Variants in TCHH observed in about 807,000 individuals in gnomAD.
The protein encoded by TCHH is trichohyalin.
TCHH carries 6 observed loss-of-function variants against 6.3 expected under a neutral mutation model. That is an observed-to-expected ratio of 0.95 (90% confidence interval 0.52 to 1.88). The LOEUF (loss-of-function observed/expected upper bound fraction) is 1.88. TCHH is among the 40% of genes most tolerant of loss of function. The pLI, the probability that TCHH is intolerant of heterozygous loss-of-function variation, is 0.01. For synonymous variants in TCHH, 1,087 were observed against 963.6 expected (o/e 1.13, Z -2.37); for missense variants, 2,920 against 2,449.1 (o/e 1.19, Z -4.06).
In TCHH at chr1:152,108,011, C is replaced by T; in HGVS notation, c.5206G>A (p.Glu1736Lys). 1.9e-6 allele frequency: 3 copies of T among 1,613,874 alleles called. No individual in the cohort carries two copies. Among genetic ancestry groups the T allele is most frequent in the East Asian group, 2.2e-5 (1 of 44,846 alleles). ...REEEQLRQETEQEQLRRQERY... is the reference protein window; with the variant it reads ...REEEQLRQETKQEQLRRQERY... ...TCTTGGCGGCGCAGCTGCTCTTGCT[C>T]CGTTTCTTGGCGCAGCTGTTCCTCC... The change falls in exon 3 of 3, where the codon GAG (glutamate) becomes AAG (lysine). Residue 1736 changes from glutamate (E) to lysine (K), a missense_variant. Glu to Lys is a moderately conservative substitution (Grantham distance 56). Transcript: ENST00000614923.
In TCHH at chr1:152,113,071, T is replaced by C. The variant is rs1658431636; in HGVS notation, c.146A>G (p.His49Arg). The change falls in exon 3 of 3, where the codon CAT becomes CGT. Residue 49 changes from histidine to arginine, a missense_variant. Physicochemically the swap from His to Arg is conservative, Grantham distance 29. Coordinates refer to ENST00000614923, the MANE Select transcript of TCHH (RefSeq NM_007113.4). Reference protein sequence around the residue: ...REFGAVLRRPHDPKTVDLILE... With the variant: ...REFGAVLRRPRDPKTVDLILE... ...GATCAGATCTACCGTCTTAGGGTCA[T>C]GTGGTCTCTATAAAAATGGTGAAAA... The C allele has an allele frequency of 4.4e-6, 7 of 1,595,004 alleles. No individual in the cohort carries two copies. The South Asian group carries it at 5.6e-5, about 13-fold the overall frequency.
At chr1:152,113,792 T>A in intron 2 of TCHH, 151 bp downstream of exon 2, 1 of 882,190 alleles carries the variant, frequency 1.1e-6, no homozygotes, top group Non-Finnish European at 1.7e-6. Flanking sequence ...GTCAAGTAAG[T>A]ACCTTTTGAC....
rs1658422001 is a variant in TCHH, at chr1:152,112,749, C to T, written c.468G>A (p.Glu156=). Residue 156 remains glutamate (E), a synonymous_variant, in exon 3 of 3, where the codon GAG becomes GAA. Transcript: ENST00000614923. ...RELAEGEEQS[E]KQERLEQRDR... ...CGCGCTGTTCAAGTCGCTCTTGTTT[C>T]TCACTTTGCTCCTCTCCCTCAGCTA... is the stretch of plus-strand genomic sequence containing the variant. The T allele has an allele frequency of 1.2e-6, 2 of 1,614,064 alleles. No homozygotes were observed. The highest frequency in any genetic ancestry group is 1.3e-5 in the African/African-American group (1 of 75,018).
rs1376247780 is a variant in TCHH at position 152,109,267 on chromosome 1, TC to T, written c.3949del (p.Glu1317LysfsTer5). ...TCTTTCCTCTCTCAGCAACTGCTTT[TC>T]CTCTTGGGACTTCCTGTCGCGCCTT... ...AKRRDRKSQE[E>X]KQLLREEREE... On this transcript the variant is annotated frameshift_variant, in exon 3 of 3. Transcript: ENST00000614923. LOFTEE classifies it low-confidence loss of function (END_TRUNC). The T allele has an allele frequency of 6.2e-7, 1 of 1,614,258 alleles. No homozygotes were observed. The highest frequency in any genetic ancestry group is 1.1e-5 in the South Asian group (1 of 91,086).
Position 152,112,976 on chromosome 1 carries a change from C to T in TCHH, c.241G>A (p.Val81Met). The change falls in exon 3 of 3, where the codon GTG becomes ATG. Residue 81 changes from valine (V) to methionine (M), a missense_variant. By Grantham distance (21) the Val-to-Met change is conservative. Transcript: ENST00000614923. ...AGAGCATAGTAACAAGCTTGAGCCACTTTGAAAATAAATAGGAGGAATTCG... is the reference window on the plus strand; with the variant it reads ...AGAGCATAGTAACAAGCTTGAGCCATTTTGAAAATAAATAGGAGGAATTCG... ...FNEFLLFIFK[V>M]AQACYYALGQ... 6.2e-7 allele frequency: 1 copy of T among 1,614,068 alleles called. No homozygotes were observed. Among genetic ancestry groups the T allele is most frequent in the South Asian group, 1.1e-5 (1 of 91,072 alleles).
chr1:152,109,229 GTCTCT>G lies in TCHH; in HGVS notation c.3983_3987del (p.Lys1328ThrfsTer30), dbSNP rs752472499. 59 of 1,614,222 alleles carry G rather than the reference GTCTCT, an allele frequency of 3.7e-5. No homozygotes were observed. The highest frequency in any genetic ancestry group is 8.3e-5 in the Admixed American group (5 of 60,024). Reference sequence around the variant, plus strand: ...AATTTTCTGTCTGTCTCTTGACGGCGTCTCTTCTCTTCTCTTTCCTCTCTCAGCAA... The same window carrying G: ...AATTTTCTGTCTGTCTCTTGACGGCGTCTCTTCTCTTTCCTCTCTCAGCAA... On this transcript the variant is annotated frameshift_variant, in exon 3 of 3. Transcript: ENST00000614923. LOFTEE classifies it low-confidence loss of function (END_TRUNC).
chr1:152,110,887 C>T lies in TCHH; in HGVS notation c.2330G>A (p.Ser777Asn). 6.2e-7 allele frequency: 1 copy of T among 1,611,516 alleles called. No homozygotes were observed. Among genetic ancestry groups the T allele is most frequent in the Non-Finnish European group, 8.5e-7 (1 of 1,179,900 alleles). ...CGACAGCCTCTGACGGCCCCTCTCG[C>T]TCTTTTCCTCCGCCTGCCACTGCCA... ...FTWQWQAEEKSERGRQRLSAR... is the reference protein window; with the variant it reads ...FTWQWQAEEKNERGRQRLSAR... Residue 777 changes from serine (S) to asparagine (N), a missense_variant, in exon 3 of 3, where the codon AGC (serine) becomes AAC (asparagine). Physicochemically the swap from Ser to Asn is conservative, Grantham distance 46 (BLOSUM62 1). Coordinates refer to ENST00000614923, the MANE Select transcript of TCHH (RefSeq NM_007113.4).
chr1:152,111,488 G>C lies in TCHH; in HGVS notation c.1729C>G (p.Gln577Glu). 1.2e-6 allele frequency: 2 copies of C among 1,601,556 alleles called. No homozygotes were observed. The highest frequency in any genetic ancestry group is 2.2e-5 in the South Asian group (2 of 90,480). Residue 577 changes from glutamine to glutamate, a missense_variant, in exon 3 of 3, where the codon CAG (glutamine) becomes GAG (glutamate). By Grantham distance (29) the Gln-to-Glu change is conservative. Transcript: ENST00000614923. ...CTCTCCTCCTCGCGCTTCAGCAGCT[G>C]ATCGCGCCTCTCCTCCTGCTCGCGC... ...LKREQEERRD[Q>E]LLKREEERRQ...
Position 152,110,692 on chromosome 1 carries a change from C to T in TCHH, c.2525G>A (p.Arg842Gln), listed in dbSNP as rs1250876730. The T allele has an allele frequency of 6.2e-7, 1 of 1,612,624 alleles. No individual in the cohort carries two copies. The highest frequency in any genetic ancestry group is 1.7e-5 in the Admixed American group (1 of 60,008). ...QFLEEEEQLQ[R>Q]RERAQQLQEE... ...CTGGAGCTGTTGGGCACGCTCCCGCCGCTGGAGCTGCTCCTCTTCCTCCAG... is the reference window on the plus strand; with the variant it reads ...CTGGAGCTGTTGGGCACGCTCCCGCTGCTGGAGCTGCTCCTCTTCCTCCAG... The change falls in exon 3 of 3, where the codon CGG (arginine) becomes CAG (glutamine). Residue 842 changes from arginine (R) to glutamine (Q), a missense_variant. By Grantham distance (43) the Arg-to-Gln change is conservative (BLOSUM62 1). Coordinates refer to ENST00000614923, the MANE Select transcript of TCHH (RefSeq NM_007113.4).
chr1:152,108,983 G>C lies in TCHH; in HGVS notation c.4234C>G (p.Arg1412Gly). ...TCCTCCTCGCGGAATTTTCTGTCGC[G>C]GTCCTGACGCAGCTGTTGCTCGCGC... Reference protein sequence around the residue: ...QEREQQLRQDRDRKFREEEQQ... With the variant: ...QEREQQLRQDGDRKFREEEQQ... Residue 1412 changes from arginine (R) to glycine (G), a missense_variant, in exon 3 of 3, where the codon CGC (arginine) becomes GGC (glycine). Arg to Gly is a moderately radical substitution (Grantham distance 125). Transcript: ENST00000614923. 6.2e-7 allele frequency: 1 copy of C among 1,607,960 alleles called. No individual in the cohort carries two copies. Among genetic ancestry groups the C allele is most frequent in the Middle Eastern group, 1.7e-4 (1 of 6,024 alleles).
In TCHH at chr1:152,114,116, A is replaced by C. The variant is rs146305171; in HGVS notation, c.-31-5T>G. On this transcript the variant is annotated splice_region_variant and splice_polypyrimidine_tract_variant and intron_variant, in intron 1 of 2. Transcript: ENST00000614923. ...TTCCTTCAAGTTCAAGTAAACCTAG[A>C]ACAATAAAATAAGATCCAGAATCAA... 227 of 1,573,948 alleles carry C rather than the reference A, an allele frequency of 1.4e-4. 1 individual carries two copies. The African/African-American group carries it at 2.4e-3, about 17-fold the overall frequency.
chr1:152,111,378 C>T lies in TCHH; in HGVS notation c.1839G>A (p.Glu613=), dbSNP rs1455776335. The stretch of plus-strand genomic sequence containing the variant: ...GCTTCAGCCGCTGCTCGCGCCTCTC[C>T]TCCTGCTCGAGTCTCTCCACCTCCT... ...KREEVERLEQ[E]ERREQRLKRE... Residue 613 remains glutamate, a synonymous_variant, in exon 3 of 3, where the codon GAG becomes GAA. Transcript: ENST00000614923. 6 of 1,611,656 alleles carry T rather than the reference C, an allele frequency of 3.7e-6. No individual in the cohort carries two copies. The highest frequency in any genetic ancestry group is 3.3e-5 in the South Asian group (3 of 90,936).
chr1:152,111,483 C>A lies in TCHH; in HGVS notation c.1734G>T (p.Leu578=). The part of the protein sequence containing the change: ...KREQEERRDQ[L]LKREEERRQQ... ...GGCGCCTCTCCTCCTCGCGCTTCAG[C>A]AGCTGATCGCGCCTCTCCTCCTGCT... Residue 578 remains leucine (L), a synonymous_variant, in exon 3 of 3, where the codon CTG becomes CTT. Coordinates refer to ENST00000614923, the MANE Select transcript of TCHH (RefSeq NM_007113.4). The A allele has an allele frequency of 6.2e-7, 1 of 1,610,454 alleles. No homozygotes were observed. Among genetic ancestry groups the A allele is most frequent in the Non-Finnish European group, 8.5e-7 (1 of 1,178,644 alleles).
chr1:152,112,747 T>G lies in TCHH; in HGVS notation c.470A>C (p.Lys157Thr). The G allele has an allele frequency of 6.2e-7, 1 of 1,614,112 alleles. No homozygotes were observed. Among genetic ancestry groups the G allele is most frequent in the South Asian group, 1.1e-5 (1 of 91,078 alleles). The change falls in exon 3 of 3, where the codon AAA (lysine) becomes ACA (threonine). Residue 157 changes from lysine (K) to threonine (T), a missense_variant. Lys to Thr is a moderately conservative substitution (Grantham distance 78). Transcript: ENST00000614923. The part of the protein sequence containing the change: ...ELAEGEEQSE[K>T]QERLEQRDRQ... ...GTCGCGCTGTTCAAGTCGCTCTTGT[T>G]TCTCACTTTGCTCCTCTCCCTCAGC...
chr1:152,111,389 G>A lies in TCHH; in HGVS notation c.1828C>T (p.Leu610Phe). 6.3e-7 allele frequency: 1 copy of A among 1,599,652 alleles called. No homozygotes were observed. Among genetic ancestry groups the A allele is most frequent in the Admixed American group, 1.7e-5 (1 of 58,712 alleles). ...TGCTCGCGCCTCTCCTCCTGCTCGA[G>A]TCTCTCCACCTCCTCGCGCTTCAGT... ...QRLKREEVERLEQEERREQRL... is the reference protein window; with the variant it reads ...QRLKREEVERFEQEERREQRL... Residue 610 changes from leucine to phenylalanine, a missense_variant, in exon 3 of 3, where the codon CTC becomes TTC. Physicochemically the swap from Leu to Phe is conservative, Grantham distance 22. Transcript: ENST00000614923.
chr1:152,107,511 T>C lies in TCHH; in HGVS notation c.5706A>G (p.Lys1902=). Residue 1902 remains lysine (K), a synonymous_variant, in exon 3 of 3, where the codon AAA becomes AAG. Coordinates refer to ENST00000614923, the MANE Select transcript of TCHH (RefSeq NM_007113.4). ...EQRHRQVGEI[K]SQEGKGHGRL... Reference sequence around the variant, plus strand: ...GCCCATGGCCCTTCCCTTCTTGGGATTTTATCTCCCCGACTTGGCGGTGCC... The same window carrying C: ...GCCCATGGCCCTTCCCTTCTTGGGACTTTATCTCCCCGACTTGGCGGTGCC... 1.2e-6 allele frequency: 2 copies of C among 1,614,184 alleles called. No homozygotes were observed. Among genetic ancestry groups the C allele is most frequent in the Non-Finnish European group, 1.7e-6 (2 of 1,180,030 alleles).
chr1:152,110,630 T>C lies in TCHH; in HGVS notation c.2587A>G (p.Arg863Gly). Residue 863 changes from arginine to glycine, a missense_variant, in exon 3 of 3, where the codon AGG becomes GGG. By Grantham distance (125) the Arg-to-Gly change is moderately radical. Transcript: ENST00000614923. The stretch of plus-strand genomic sequence containing the variant: ...TCGCGGCGCTGCTCCTGGCTTCGCC[T>C]CCTCTCCTGATCCTCCTGGAGGCCG... ...EDGLQEDQERRRSQEQRRDQK... is the reference protein window; with the variant it reads ...EDGLQEDQERGRSQEQRRDQK... 1 of 1,613,346 alleles carries C rather than the reference T, an allele frequency of 6.2e-7. No individual in the cohort carries two copies. Among genetic ancestry groups the C allele is most frequent in the Non-Finnish European group, 8.5e-7 (1 of 1,179,828 alleles).
Position 152,109,213 on chromosome 1 carries a change from T to A in TCHH, c.4004A>T (p.Asp1335Val). Reference protein sequence around the residue: ...REEKRRRQETDRKFREEEQLL... With the variant: ...REEKRRRQETVRKFREEEQLL... ...CTGTTCCTCCTCGCGGAATTTTCTG[T>A]CTGTCTCTTGACGGCGTCTCTTCTC... The change falls in exon 3 of 3, where the codon GAC becomes GTC. Residue 1335 changes from aspartate to valine, a missense_variant. By Grantham distance (152) the Asp-to-Val change is radical. Coordinates refer to ENST00000614923, the MANE Select transcript of TCHH (RefSeq NM_007113.4). 6 of 1,614,190 alleles carry A rather than the reference T, an allele frequency of 3.7e-6. No individual in the cohort carries two copies. The highest frequency in any genetic ancestry group is 5.1e-6 in the Non-Finnish European group (6 of 1,179,988).
Position 152,111,773 on chromosome 1 carries a change from C to A in TCHH, c.1444G>T (p.Glu482Ter). ...RKQQLKRDQE[E>*]ERRERWLKLE... ...TTCAGCCAACGTTCGCGCCTCTCCT[C>A]CTCCTGGTCGCGCTTCAGCTGCTGC... Residue 482 changes from glutamate (E) to a stop codon, truncating the protein, a stop_gained, in exon 3 of 3, where the codon GAG becomes TAG. Transcript: ENST00000614923. LOFTEE classifies it low-confidence loss of function (END_TRUNC). 6.3e-7 allele frequency: 1 copy of A among 1,577,994 alleles called. No homozygotes were observed. Among genetic ancestry groups the A allele is most frequent in the South Asian group, 1.1e-5 (1 of 88,978 alleles).
Sources: gnomAD v4.1 joint callset for allele counts on GRCh38, gnomAD v4.1.1 for gene constraint, MANE v1.5 for transcripts, NCBI Gene and HGNC (gene_info 2026-07-23, HGNC 2026-07-21) for gene names.